The following IKZF4 variants were observed in gnomAD, a reference collection of about 807,000 sequenced individuals.
The protein encoded by IKZF4 is IKAROS family zinc finger 4.
In IKZF4, 11 loss-of-function variants were observed where a neutral mutation model predicts 47.7. The ratio of observed to expected loss-of-function variants is 0.23; its 90% CI spans 0.15 to 0.38. The LOEUF is 0.38. Among genes scored for constraint, IKZF4 ranks in the 10% least tolerant of loss-of-function variants. The probability of loss-of-function intolerance (pLI) is 1.00; values close to 1 mark genes in which losing one functional copy is unlikely to be tolerated. For missense variants in IKZF4, 557 were observed against 784.9 expected, an observed-to-expected ratio of 0.71 and a Z score of 3.47; for synonymous variants, 298 against 299.4, an observed-to-expected ratio of 1.00 and a Z score of 0.05.
At chr12:56,018,628 G>A (rs1892446804), upstream of IKZF4, among the ~76,000 whole-genome samples, 2 of 151,658 alleles carry the variant, frequency 1.3e-5, no homozygotes, top group Admixed American at 1.3e-4. Flanking sequence ...AAGAATGGTG[G>A]GGGCTGTCAT....
intron 2 of IKZF4, among the ~76,000 whole-genome samples, chr12:56,014,166 A>G (rs1267512303): frequency 2.0e-5 from 3 of 152,096 alleles, no homozygotes; most frequent in Non-Finnish European, 4.4e-5. Context: ...AAAAAAAAAA[A>G]AAAAAGAAAA....
chr12:56,028,490 G>A (rs1316244013), intron 5 of IKZF4, among the ~76,000 whole-genome samples: 2 of 127,282 alleles, frequency 1.6e-5, no homozygotes, highest in African/African-American at 5.9e-5. Context: ...CTGAGATCGC[G>A]CCATTGCACT....
chr12:56,015,367 G>A (rs755130828), intron 2 of IKZF4, among the ~76,000 whole-genome samples: 6 of 151,260 alleles, frequency 4.0e-5, no homozygotes, highest in Non-Finnish European at 8.8e-5. Context: ...GAGCTACCAC[G>A]CCCGGCTTCA....
At chr12:56,030,501 G>A (rs553124478) in intron 5 of IKZF4, among the ~76,000 whole-genome samples, 3 of 151,906 alleles carry the variant, frequency 2.0e-5, no homozygotes, top group Non-Finnish European at 2.9e-5. Context: ...AGGCCAAGGC[G>A]GGCAGATCAC....
intron 7 of IKZF4, among the ~76,000 whole-genome samples, 175 bp from the exon 8 acceptor site, chr12:56,034,396 G>T (rs1895401866): frequency 6.6e-6 from 1 of 152,170 alleles, no homozygotes. Flanking sequence ...CCTTCTCTAA[G>T]ATTATAGCCT....
At chr12:56,019,901 C>A (rs746241805), upstream of IKZF4, among the ~76,000 whole-genome samples, 4 of 152,214 alleles carry the variant, frequency 2.6e-5, no homozygotes, top group Non-Finnish European at 5.9e-5. Flanking sequence ...AAGTGGAGGC[C>A]AGGAACTCCT....
At chr12:56,027,690 TTGGGCAAGGTAGGGCAGAGGG>T (rs1245576905) in intron 4 of IKZF4, 69 bp from the exon 5 acceptor site, 3 of 1,372,574 alleles carry the variant, frequency 2.2e-6, no homozygotes. Context: ...GCACCTTCCC[TTGGGCAAGGTAGGGCAGAGGG>T]TGGGTGATAG....
upstream of IKZF4, among the ~76,000 whole-genome samples, chr12:56,017,223 T>TCCCCCCCCCCCCCCCC (rs143740090): frequency 1.6e-5 from 2 of 122,436 alleles, no homozygotes; most frequent in African/African-American, 3.3e-5. Flanking sequence ...AAATTCAGAC[T>TCCCCCCCCCCCCCCCC]CCCCCCCCGC....
At chr12:56,030,744 A>G (rs1489071170) in intron 5 of IKZF4, among the ~76,000 whole-genome samples, 2 of 151,480 alleles carry the variant, frequency 1.3e-5, no homozygotes, top group East Asian at 3.9e-4. Flanking sequence ...AAAAAAAAAA[A>G]GTAGAGAGTA....
intron 2 of IKZF4, chr12:56,023,974 CTT>C (rs1893520825): frequency 1.1e-6 from 1 of 943,388 alleles, no homozygotes; most frequent in East Asian, 1.2e-4. Context: ...GGTATGTTCT[CTT>C]TATATGTATC....
chr12:56,009,656 G>C (rs1271856982), intron 1 of IKZF4, among the ~76,000 whole-genome samples: 1 of 152,216 alleles, frequency 6.6e-6, no homozygotes, highest in Non-Finnish European at 1.5e-5. Flanking sequence ...AGAATGGTGA[G>C]AGCTGCCCTC....
In IKZF4 at chr12:56,035,104, G is replaced by A; in HGVS notation, c.1531G>A (p.Gly511Ser). 6.2e-7 allele frequency: 1 copy of A among 1,611,000 alleles called. No individual in the cohort carries two copies. The highest frequency in any genetic ancestry group is 8.5e-7 in the Non-Finnish European group (1 of 1,178,188). ...GGAGGGGTTATTGCGGGGCACCCCA[G>A]GCCCCTCCAAGGAAGTGCTTCGGGT... Reference protein sequence around the residue: ...PQEGLLRGTPGPSKEVLRVVG... With the variant: ...PQEGLLRGTPSPSKEVLRVVG... The change falls in exon 8 of 8, where the codon GGC becomes AGC. Residue 511 changes from glycine to serine, a missense_variant. Gly to Ser is a moderately conservative substitution (Grantham distance 56). Transcript: ENST00000547167. The surrounding 1 kb of genome is among the most constrained non-coding windows in gnomAD (Gnocchi z 6.1).
chr12:56,009,316 A>C (rs1346775869), intron 1 of IKZF4, among the ~76,000 whole-genome samples: 1 of 152,154 alleles, frequency 6.6e-6, no homozygotes, highest in Non-Finnish European at 1.5e-5. Flanking sequence ...TTTCCACTTA[A>C]CGATAACTCA....
upstream of IKZF4, among the ~76,000 whole-genome samples, chr12:56,019,686 G>A (rs1335840360): frequency 3.3e-5 from 5 of 152,160 alleles, no homozygotes; most frequent in Non-Finnish European, 4.4e-5. Flanking sequence ...CACTCAGATG[G>A]ATAAAATCCA....
chr12:56,032,189 GTCTGGGCC>G (rs956351557), intron 5 of IKZF4: 11 of 192,822 alleles, frequency 5.7e-5, no homozygotes, highest in Non-Finnish European at 6.3e-5. Flanking sequence ...TTAAACCACA[GTCTGGGCC>G]CCAGACTCTG....
At position 56,021,506 on chromosome 12, in the gene IKZF4, C is replaced by G; in HGVS notation, c.13C>G (p.Pro5Ala). The change falls in exon 1 of 8, where the codon CCC becomes GCC. Residue 5 changes from proline to alanine, a missense_variant. Physicochemically the swap from Pro to Ala is conservative, Grantham distance 27. Transcript: ENST00000547167. ...CTGAGACGCAGACATGCATACACCA[C>G]CCGCACTCCCTCGCCGTTTCCAAGG... MHTP[P>A]ALPRRFQGGG... 6.2e-7 allele frequency: 1 copy of G among 1,604,710 alleles called. No homozygotes were observed. Among genetic ancestry groups the G allele is most frequent in the Non-Finnish European group, 8.5e-7 (1 of 1,176,362 alleles).
In IKZF4 at chr12:56,037,981, T is replaced by C. The variant is rs1433000064; in HGVS notation, c.*2650T>C. On this transcript the variant is annotated 3_prime_UTR_variant, in exon 8 of 8. Coordinates refer to ENST00000547167, the MANE Select transcript of IKZF4 (RefSeq NM_022465.4). ...AGTAGACACTTTTCCAGACCTTTGT[T>C]TTTTTGTGTCAGTGTCCAAGCTGCA... 2 of 151,732 alleles carry C rather than the reference T, an allele frequency of 1.3e-5. No individual in the cohort carries two copies. Among genetic ancestry groups the C allele is most frequent in the Non-Finnish European group, 2.9e-5 (2 of 67,966 alleles). The allele number at this position is 151,732 out of a possible 1,614,324, so 9.4% of individuals were successfully genotyped here. A position where few individuals can be genotyped will look rare whatever the true frequency, so the allele number is the denominator to read the frequency against.
chr12:56,019,958 G>A (rs770279026), upstream of IKZF4, among the ~76,000 whole-genome samples: 1 of 152,236 alleles, frequency 6.6e-6, no homozygotes, highest in East Asian at 1.9e-4. Context: ...CCTTAGAAAG[G>A]GAAAAGAGAA....
intron 1 of IKZF4, 117 bp downstream of exon 1, chr12:56,021,697 T>TGC (rs1351517643): frequency 9.8e-7 from 1 of 1,015,664 alleles, no homozygotes; most frequent in African/African-American, 1.7e-5. Context: ...GCTGTGTGTG[T>TGC]GTGTGTGTGT....
Sources: gnomAD v4.1 joint callset for allele counts (sites outside exome capture counted in the v4.1 genomes callset) on GRCh38, gnomAD v4.1.1 for gene constraint, Gnocchi (gnomAD v3.1) non-coding constraint, MANE v1.5 for transcripts, NCBI Gene and HGNC (gene_info 2026-07-23, HGNC 2026-07-21) for gene names.